The following CEP120 variants were observed in gnomAD, a reference collection of about 807,000 sequenced individuals.
The protein encoded by CEP120 is centrosomal protein of 120 kDa.
A neutral mutation model predicts 126.5 loss-of-function variants in CEP120; 113 were observed. That is an observed-to-expected ratio of 0.89 (90% CI 0.77 to 1.04). CEP120 has a LOEUF of 1.04. Ranked by LOEUF, CEP120 falls within the 50% of genes least tolerant of loss-of-function variation. The pLI, the probability that CEP120 is intolerant of heterozygous loss-of-function variation, is 0.00. For synonymous variants in CEP120, 400 were observed against 394.3 expected (o/e 1.01, Z -0.17); for missense variants, 1,230 against 1,155.7 (o/e 1.06, Z -0.93).
intron 17 of CEP120, among the ~76,000 whole-genome samples, chr5:123,365,867 T>C (rs1366335): frequency 0.72 from 107,837 of 150,682 alleles, 38,731 homozygotes; most frequent in African/African-American, 0.75. Flanking sequence ...GTCTAGTATA[T>C]TAGATGAGCC....
chr5:123,382,690 A>C (rs528786645), intron 13 of CEP120, 47 bp downstream of exon 13: 41 of 1,544,866 alleles, frequency 2.7e-5, no homozygotes, highest in Middle Eastern at 1.7e-4. Flanking sequence ...GGAAAAATAT[A>C]CAGAGCAGAC....
At chr5:123,351,199 C>T (rs1769175325) in intron 18 of CEP120, among the ~76,000 whole-genome samples, 1 of 152,172 alleles carries the variant, frequency 6.6e-6, no homozygotes, top group South Asian at 2.1e-4. Context: ...CTCCCAGTCA[C>T]TAACCATTCA....
rs1281665596 is a variant in CEP120, at chr5:123,407,253, G to C, written c.463+5146C>G. Among the ~76,000 whole-genome samples, 4 of 152,168 alleles carry C rather than the reference G, an allele frequency of 2.6e-5. No individual in the cohort carries two copies. The East Asian group carries it at 7.7e-4, about 29-fold the overall frequency. ...ATAAAACACTAATAAGGTTATTCAT[G>C]CAACTATATTAATAATCACCTTGAA... On this transcript the variant is annotated intron_variant, in intron 4 of 19. Transcript: ENST00000306467.
intron 17 of CEP120, among the ~76,000 whole-genome samples, chr5:123,369,909 T>C (rs187806140): frequency 3.4e-4 from 52 of 152,148 alleles, no homozygotes; most frequent in Middle Eastern, 3.4e-3. Flanking sequence ...CCTAGAAACA[T>C]AGAAGGTACT....
At position 123,423,333 on chromosome 5, in the gene CEP120, G is replaced by A. The variant is rs1328765083; in HGVS notation, c.-335C>T. 3 of 343,510 alleles carry A rather than the reference G, an allele frequency of 8.7e-6. No individual in the cohort carries two copies. The highest frequency in any genetic ancestry group is 1.1e-5 in the Non-Finnish European group (2 of 187,104). 21.3% of individuals were successfully genotyped at this position (343,510 alleles called of 1,614,324 possible). A position where few individuals can be genotyped will look rare whatever the true frequency, so the allele number is the denominator to read the frequency against. On this transcript the variant is annotated 5_prime_UTR_variant, in exon 1 of 20. Transcript: ENST00000306467. ...AAACGCCCGGGCGGCCGCAGCGGCC[G>A]CCGCCGCGCCCAGCTTCCGCCTAGC...
intron 1 of CEP120, chr5:123,422,374 T>C: frequency 1.2e-6 from 1 of 824,584 alleles, no homozygotes. Flanking sequence ...CCTTAGCTTT[T>C]TAGAATCAGG....
chr5:123,385,362 C>G (rs544156526), intron 10 of CEP120, among the ~76,000 whole-genome samples: 2 of 152,196 alleles, frequency 1.3e-5, no homozygotes, highest in South Asian at 4.1e-4. Flanking sequence ...AAAATTATAT[C>G]ATATTTTTAC....
intron 4 of CEP120, among the ~76,000 whole-genome samples, chr5:123,400,211 G>C (rs1773083205): frequency 1.3e-5 from 2 of 152,072 alleles, no homozygotes; most frequent in African/African-American, 2.4e-5. Flanking sequence ...TATCTAAGTC[G>C]CATAGACCAA....
At chr5:123,405,453 C>A (rs1367458031) in intron 4 of CEP120, among the ~76,000 whole-genome samples, 2 of 152,156 alleles carry the variant, frequency 1.3e-5, no homozygotes, top group Non-Finnish European at 2.9e-5. Context: ...CAAGGCCTGC[C>A]CTCGGAGAAA....
At chr5:123,415,119 T>A (rs1380781199) in intron 3 of CEP120, among the ~76,000 whole-genome samples, 1 of 152,050 alleles carries the variant, frequency 6.6e-6, no homozygotes, top group African/African-American at 2.4e-5. Flanking sequence ...TAACATCAAC[T>A]GTGTTTCAAT....
Position 123,401,270 on chromosome 5 carries a change from G to A in CEP120, c.464-1986C>T, listed in dbSNP as rs1354007402. On this transcript the variant is annotated intron_variant, in intron 4 of 19. Coordinates refer to ENST00000306467, the MANE Select transcript of CEP120 (RefSeq NM_001375405.1). ...TGTCCTGCTTGGCCCGCTGCAGGGC[G>A]GCCTCCAGCTCGACAACTTGGCGTT... The A allele has an allele frequency of 1.4e-5, 23 of 1,608,902 alleles. No homozygotes were observed. In the Admixed American group the frequency reaches 2.0e-4, roughly 14 times the overall value.
intron 13 of CEP120, 124 bp from the exon 14 acceptor site, chr5:123,382,324 C>CAA: frequency 2.6e-5 from 4 of 154,142 alleles, no homozygotes; most frequent in South Asian, 1.9e-4. Flanking sequence ...CTTTTTTATT[C>CAA]TAAAAAAAAA....
chr5:123,352,597 T>C (rs752424239), intron 18 of CEP120, among the ~76,000 whole-genome samples: 7 of 152,082 alleles, frequency 4.6e-5, no homozygotes, highest in African/African-American at 1.7e-4. Flanking sequence ...ACTGTAACTC[T>C]TGTAACAATG....
intron 5 of CEP120, among the ~76,000 whole-genome samples, 178 bp from the exon 6 acceptor site, chr5:123,393,675 AAGAGTCGTCTT>A (rs1010998626): frequency 3.3e-4 from 51 of 152,316 alleles, no homozygotes; most frequent in African/African-American, 1.2e-3. Flanking sequence ...TTTTTTAAAA[AAGAGTCGTCTT>A]AGAAAAGCAG....
intron 18 of CEP120, among the ~76,000 whole-genome samples, chr5:123,353,474 T>C (rs1769347409): frequency 6.6e-6 from 1 of 151,612 alleles, no homozygotes; most frequent in African/African-American, 2.4e-5. Flanking sequence ...ATTTTGTCCT[T>C]GTAAGCTTTT....
intron 5 of CEP120, among the ~76,000 whole-genome samples, chr5:123,396,808 G>A (rs571072298): frequency 6.6e-6 from 1 of 152,208 alleles, no homozygotes; most frequent in East Asian, 1.9e-4. Context: ...ATGACCACGT[G>A]GTCAGAAATA....
chr5:123,374,228 C>A (rs529364296), intron 16 of CEP120, among the ~76,000 whole-genome samples: 15 of 152,054 alleles, frequency 9.9e-5, no homozygotes, highest in Non-Finnish European at 2.1e-4. Context: ...ACAACAACAA[C>A]AACAACAACA....
intron 10 of CEP120, among the ~76,000 whole-genome samples, chr5:123,385,878 T>C (rs1413831817): frequency 1.3e-5 from 2 of 152,192 alleles, no homozygotes; most frequent in Non-Finnish European, 2.9e-5. Context: ...GTGCTGGGAT[T>C]ACAGGTGTAA....
chr5:123,393,063 C>A (rs895893460), intron 6 of CEP120, among the ~76,000 whole-genome samples: 7 of 151,992 alleles, frequency 4.6e-5, no homozygotes, highest in African/African-American at 1.7e-4. Flanking sequence ...ACTGATATAC[C>A]TCTTTTCTCA....
Sources: gnomAD v4.1 joint callset for allele counts (sites outside exome capture counted in the v4.1 genomes callset) on GRCh38, gnomAD v4.1.1 for gene constraint, MANE v1.5 for transcripts, NCBI Gene and HGNC (gene_info 2026-07-23, HGNC 2026-07-21) for gene names.